The following RPS6KL1 variants were observed in gnomAD, a reference collection of about 807,000 sequenced individuals.
RPS6KL1 encodes the protein ribosomal protein S6 kinase-like 1.
RPS6KL1 carries 41 observed loss-of-function variants against 57.0 expected under a neutral mutation model. The ratio of observed to expected loss-of-function variants is 0.72; its 90% CI spans 0.56 to 0.93. RPS6KL1 has a LOEUF of 0.93. Among genes scored for constraint, RPS6KL1 ranks in the 40% least tolerant of loss-of-function variants. RPS6KL1 has a pLI of 0.00. For missense variants in RPS6KL1, 697 were observed against 727.7 expected, an observed-to-expected ratio of 0.96 and a Z score of 0.49; for synonymous variants, 287 against 309.7, an observed-to-expected ratio of 0.93 and a Z score of 0.77.
intron 3 of RPS6KL1, 35 bp from the exon 4 acceptor site, chr14:74,920,004 A>G: frequency 6.2e-7 from 1 of 1,613,416 alleles, no homozygotes; most frequent in South Asian, 1.1e-5. Flanking sequence ...GTCCCCAGCC[A>G]TGGCCTCGGA....
At chr14:74,913,592 G>T (rs1389594495) in intron 5 of RPS6KL1, among the ~76,000 whole-genome samples, 1 of 152,112 alleles carries the variant, frequency 6.6e-6, no homozygotes, top group East Asian at 1.9e-4. Context: ...AAAAAACCAA[G>T]AAAGCCCTTG....
At chr14:74,915,651 C>T (rs1886710693) in intron 5 of RPS6KL1, among the ~76,000 whole-genome samples, 1 of 152,166 alleles carries the variant, frequency 6.6e-6, no homozygotes, top group Non-Finnish European at 1.5e-5. Context: ...GGGCTGGTGC[C>T]CCGTCTAAGG....
intron 5 of RPS6KL1, among the ~76,000 whole-genome samples, chr14:74,913,803 C>T (rs886315015): frequency 3.3e-5 from 5 of 152,216 alleles, no homozygotes; most frequent in Non-Finnish European, 2.9e-5. Context: ...GATAACCTGT[C>T]GTGATTATTA....
intron 10 of RPS6KL1, 84 bp from the exon 11 acceptor site, chr14:74,907,614 A>G: frequency 1.5e-6 from 2 of 1,290,350 alleles, no homozygotes; most frequent in Non-Finnish European, 2.1e-6. Context: ...TTTTTTCCCC[A>G]TGTCACAGCC....
chr14:74,906,380 A>C lies in RPS6KL1; in HGVS notation c.*634T>G. On this transcript the variant is annotated 3_prime_UTR_variant, in exon 12 of 12. Transcript: ENST00000557413. ...TTGCTCTCCCAAGTCTGAAATCACA[A>C]GATAGGGGGCATGGTCAGGAATCGG... The C allele has an allele frequency of 3.5e-6, 1 of 285,424 alleles. No homozygotes were observed. Among genetic ancestry groups the C allele is most frequent in the Non-Finnish European group, 6.5e-6 (1 of 152,966 alleles). The allele number at this position is 285,424 out of a possible 1,614,324, so 17.7% of individuals were successfully genotyped here.
intron 5 of RPS6KL1, among the ~76,000 whole-genome samples, chr14:74,913,194 C>T (rs1392521232): frequency 6.6e-6 from 1 of 152,242 alleles, no homozygotes; most frequent in Non-Finnish European, 1.5e-5. Context: ...TTGATTTTCT[C>T]ATCTACCAAC....
chr14:74,910,528 T>G (rs1885751320), intron 7 of RPS6KL1: 1 of 169,262 alleles, frequency 5.9e-6, no homozygotes, highest in Non-Finnish European at 1.3e-5. Flanking sequence ...TGACCCCAGA[T>G]GTGCACCTCA....
At chr14:74,916,603 C>G (rs188293176) in intron 5 of RPS6KL1, among the ~76,000 whole-genome samples, 38 of 152,154 alleles carry the variant, frequency 2.5e-4, no homozygotes, top group African/African-American at 9.2e-4. Flanking sequence ...ATTGCTTGAG[C>G]CTGGTAGGTC....
intron 10 of RPS6KL1, 96 bp from the exon 11 acceptor site, chr14:74,907,626 A>G: frequency 1.8e-6 from 2 of 1,114,364 alleles, no homozygotes; most frequent in Non-Finnish European, 2.5e-6. Context: ...GTCACAGCCC[A>G]TGAGGAGGAT....
chr14:74,911,873 A>G (rs1178982238), intron 5 of RPS6KL1, 32 bp from the exon 6 acceptor site: 1 of 1,546,840 alleles, frequency 6.5e-7, no homozygotes, highest in Non-Finnish European at 8.7e-7. Flanking sequence ...TGGTTAAGGC[A>G]GGTACTAGCT....
chr14:74,910,123 G>C lies in RPS6KL1; in HGVS notation c.690C>G (p.Leu230=), dbSNP rs779450163. Residue 230 remains leucine (L), a synonymous_variant, in exon 8 of 12, where the codon CTC becomes CTG. Transcript: ENST00000557413. ...CAGAATGTCGGGAGTGCGCCTGGGAGAGCAGGTGGGACCAGAGAGTGCCTC... is the reference window on the plus strand; with the variant it reads ...CAGAATGTCGGGAGTGCGCCTGGGACAGCAGGTGGGACCAGAGAGTGCCTC... ...VQGGTLWSHL[L]SQAHSRHSGL... The C allele has an allele frequency of 6.4e-7, 1 of 1,559,526 alleles. No individual in the cohort carries two copies. Among genetic ancestry groups the C allele is most frequent in the Non-Finnish European group, 8.7e-7 (1 of 1,155,620 alleles).
rs1884474019 is a variant in RPS6KL1, at chr14:74,904,530, TTTG to T, written c.*2481_*2483del. ...GATGGTTGGGGGGCTTAGGATGTTT[TTTG>T]TTTTGTTTCCATAAAGCATCATAGT... On this transcript the variant is annotated 3_prime_UTR_variant, in exon 12 of 12. Transcript: ENST00000557413. 1.3e-5 allele frequency: 2 copies of T among 152,296 alleles called. No individual in the cohort carries two copies. The highest frequency in any genetic ancestry group is 4.1e-4 in the South Asian group (2 of 4,824). 9.4% of individuals were successfully genotyped at this position (152,296 alleles called of 1,614,324 possible).
Position 74,905,008 on chromosome 14 carries a change from T to C in RPS6KL1, c.*2006A>G, listed in dbSNP as rs1485616479. On this transcript the variant is annotated 3_prime_UTR_variant, in exon 12 of 12. Coordinates refer to ENST00000557413, the MANE Select transcript of RPS6KL1 (RefSeq NM_031464.5). The stretch of plus-strand genomic sequence containing the variant: ...AGAGTAGAACTAGAGCTCTAGTAGA[T>C]AGAAAAACAAATTAGGTTGAATGAA... The C allele has an allele frequency of 6.6e-6, 1 of 152,196 alleles. No homozygotes were observed. Among genetic ancestry groups the C allele is most frequent in the Non-Finnish European group, 1.5e-5 (1 of 68,030 alleles). The allele number at this position is 152,196 out of a possible 1,614,324, so 9.4% of individuals were successfully genotyped here. A position where few individuals can be genotyped will look rare whatever the true frequency, so the allele number is the denominator to read the frequency against.
chr14:74,906,987 G>T lies in RPS6KL1; in HGVS notation c.*27C>A. 1 of 1,543,352 alleles carries T rather than the reference G, an allele frequency of 6.5e-7. No individual in the cohort carries two copies. The highest frequency in any genetic ancestry group is 8.9e-7 in the Non-Finnish European group (1 of 1,121,282). ...AGGAGAGGCGATCCAGACCAGGCCA[G>T]CTGCTTCCGTCACCCGCTCTGCCCT... On this transcript the variant is annotated 3_prime_UTR_variant, in exon 12 of 12. Coordinates refer to ENST00000557413, the MANE Select transcript of RPS6KL1 (RefSeq NM_031464.5).
intron 2 of RPS6KL1, 199 bp downstream of exon 2, chr14:74,921,779 T>A: frequency 1.1e-6 from 1 of 926,526 alleles, no homozygotes; most frequent in South Asian, 3.7e-5. Context: ...TTTCTTTTCT[T>A]TTTTTTTTTT....
rs1886018212 is a variant in RPS6KL1, at chr14:74,911,663, G to A, written c.531+131C>T. On this transcript the variant is annotated intron_variant, in intron 6 of 11. Coordinates refer to ENST00000557413, the MANE Select transcript of RPS6KL1 (RefSeq NM_031464.5). Reference sequence around the variant, plus strand: ...TGTGTCCATCTGGAAAGTGGGGCATGTTCAGGCAGAACAACCAGCTTTTGT... The same window carrying A: ...TGTGTCCATCTGGAAAGTGGGGCATATTCAGGCAGAACAACCAGCTTTTGT... The A allele has an allele frequency of 1.0e-5, 9 of 877,628 alleles. No individual in the cohort carries two copies. In the Admixed American group the frequency reaches 1.3e-4, roughly 13 times the overall value. The allele number at this position is 877,628 out of a possible 1,614,324, so 54.4% of individuals were successfully genotyped here.
rs1887960947 is a variant in RPS6KL1 at position 74,922,145 on chromosome 14, T to C, written c.-188A>G. On this transcript the variant is annotated 5_prime_UTR_variant, in exon 2 of 12. Coordinates refer to ENST00000557413, the MANE Select transcript of RPS6KL1 (RefSeq NM_031464.5). ...CATTTCTGGAGCATCTGGTACTGTG[T>C]TGAGCTCTGGAGAGAGCTGAGGATA... is the stretch of plus-strand genomic sequence containing the variant. The C allele has an allele frequency of 2.1e-6, 2 of 960,638 alleles. No homozygotes were observed. Among genetic ancestry groups the C allele is most frequent in the Non-Finnish European group, 2.5e-6 (2 of 804,032 alleles). The allele number at this position is 960,638 out of a possible 1,614,324, so 59.5% of individuals were successfully genotyped here. A position where few individuals can be genotyped will look rare whatever the true frequency, so the allele number is the denominator to read the frequency against.
intron 5 of RPS6KL1, among the ~76,000 whole-genome samples, chr14:74,914,799 G>C (rs574644142): frequency 1.3e-5 from 2 of 152,300 alleles, no homozygotes; most frequent in South Asian, 2.1e-4. Flanking sequence ...TGCAATCTCT[G>C]CCTCCCAAGT....
In RPS6KL1 at chr14:74,922,428, G is replaced by A; in HGVS notation, c.-471C>T. 1.3e-6 allele frequency: 1 copy of A among 792,758 alleles called. No individual in the cohort carries two copies. The highest frequency in any genetic ancestry group is 1.5e-6 in the Non-Finnish European group (1 of 653,162). The allele number at this position is 792,758 out of a possible 1,614,324, so 49.1% of individuals were successfully genotyped here. Reference sequence around the variant, plus strand: ...TGGTCCTGAGGTCAGTGTGGTCAGCGAGTGAGGACCCCTCCTGGAGCCAGC... The same window carrying A: ...TGGTCCTGAGGTCAGTGTGGTCAGCAAGTGAGGACCCCTCCTGGAGCCAGC... On this transcript the variant is annotated 5_prime_UTR_variant, in exon 2 of 12. Coordinates refer to ENST00000557413, the MANE Select transcript of RPS6KL1 (RefSeq NM_031464.5).
Sources: gnomAD v4.1 joint callset for allele counts (sites outside exome capture counted in the v4.1 genomes callset) on GRCh38, gnomAD v4.1.1 for gene constraint, MANE v1.5 for transcripts, NCBI Gene and HGNC (gene_info 2026-07-23, HGNC 2026-07-21) for gene names.